PCDHA3: variants seen among roughly 807,000 people sequenced by gnomAD.
PCDHA3 encodes protocadherin alpha 3.
Under a neutral mutation model 62.2 loss-of-function variants are expected in PCDHA3, and 41 were observed. The ratio of observed to expected loss-of-function variants is 0.66; its 90% CI spans 0.51 to 0.86. The LOEUF (loss-of-function observed/expected upper bound fraction) is 0.86, where lower values mean the gene tolerates loss of function less well. Ranked by LOEUF, PCDHA3 falls within the 40% of genes least tolerant of loss-of-function variation. The pLI, the probability that PCDHA3 is intolerant of heterozygous loss-of-function variation, is 0.00. For synonymous variants in PCDHA3, 640 were observed against 555.4 expected (o/e 1.15, Z -2.14); for missense variants, 1,304 against 1,241.2 (o/e 1.05, Z -0.76).
At chr5:140,999,444 C>A (rs782553983) in intron 3 of PCDHA3, among the ~76,000 whole-genome samples, 25 of 152,210 alleles carry the variant, frequency 1.6e-4, no homozygotes, top group Non-Finnish European at 3.1e-4. Flanking sequence ...GCCTCTTATT[C>A]GTTCAACGAA....
At chr5:140,856,473 C>T (rs1471191080) in intron 1 of PCDHA3, 2 of 1,598,372 alleles carry the variant, frequency 1.3e-6, no homozygotes. Flanking sequence ...CTCTCAATAC[C>T]TGAATCCAGA....
Position 141,010,339 on chromosome 5 carries a change from A to C in PCDHA3, c.*402A>C. ...TTGAGCAGCTTGGGAGTTTGTGGCCACTGGGTATGTGTGGCTACCGCGGGT... is the reference window on the plus strand; with the variant it reads ...TTGAGCAGCTTGGGAGTTTGTGGCCCCTGGGTATGTGTGGCTACCGCGGGT... On this transcript the variant is annotated 3_prime_UTR_variant, in exon 4 of 4. Coordinates refer to ENST00000522353, the MANE Select transcript of PCDHA3 (RefSeq NM_018906.3). 6.5e-7 allele frequency: 1 copy of C among 1,534,060 alleles called. No homozygotes were observed. The highest frequency in any genetic ancestry group is 8.8e-7 in the Non-Finnish European group (1 of 1,140,682).
chr5:140,964,909 A>G (rs1164322313), intron 1 of PCDHA3, among the ~76,000 whole-genome samples: 1 of 152,208 alleles, frequency 6.6e-6, no homozygotes, highest in African/African-American at 2.4e-5. Context: ...GCTTCTCTGG[A>G]ATAACACTGG....
chr5:140,881,724 A>C (rs1165848100), intron 1 of PCDHA3, among the ~76,000 whole-genome samples: 1 of 152,194 alleles, frequency 6.6e-6, no homozygotes, highest in Admixed American at 6.5e-5. Flanking sequence ...GAGGTCTTGA[A>C]AAATATTACA....
intron 1 of PCDHA3, chr5:140,807,452 C>T (rs1562209141): frequency 1.2e-6 from 2 of 1,607,214 alleles, no homozygotes; most frequent in South Asian, 1.1e-5. Flanking sequence ...TGTGAATTCT[C>T]GGATCGACCG....
intron 1 of PCDHA3, chr5:140,841,763 C>G: frequency 6.2e-7 from 1 of 1,613,884 alleles, no homozygotes; most frequent in South Asian, 1.1e-5. Context: ...ATCCAGAATG[C>G]CAGACTCTCG....
chr5:141,000,904 T>A lies in PCDHA3; in HGVS notation c.2543-8723T>A, dbSNP rs1398868730. Among the ~76,000 whole-genome samples, 6 of 151,990 alleles carry A rather than the reference T, an allele frequency of 3.9e-5. No individual in the cohort carries two copies. The East Asian group carries it at 1.2e-3, about 29-fold the overall frequency. On this transcript the variant is annotated intron_variant, in intron 3 of 3. Coordinates refer to ENST00000522353, the MANE Select transcript of PCDHA3 (RefSeq NM_018906.3). ...ACCTGGGCAACAGATATAGACGCTGTCTCTAAAAAAAAAAATCCTGTGTGA... is the reference window on the plus strand; with the variant it reads ...ACCTGGGCAACAGATATAGACGCTGACTCTAAAAAAAAAAATCCTGTGTGA...
chr5:140,909,711 A>G (rs1473634057), intron 1 of PCDHA3, among the ~76,000 whole-genome samples: 1 of 152,122 alleles, frequency 6.6e-6, no homozygotes, highest in Non-Finnish European at 1.5e-5. Context: ...TGCTAAGTAT[A>G]CCTATGCCAA....
At chr5:140,851,067 G>A in intron 1 of PCDHA3, 4 of 1,367,668 alleles carry the variant, frequency 2.9e-6, no homozygotes, top group Non-Finnish European at 3.8e-6. Context: ...CTTCTAGTGA[G>A]AATTATAAAC....
At chr5:140,869,884 G>T in intron 1 of PCDHA3, 1 of 1,610,394 alleles carries the variant, frequency 6.2e-7, no homozygotes, top group Non-Finnish European at 8.5e-7. Flanking sequence ...AGAAACTCTT[G>T]TGCTCAAACT....
intron 1 of PCDHA3, among the ~76,000 whole-genome samples, chr5:140,892,029 T>C (rs954107632): frequency 2.0e-4 from 30 of 152,336 alleles, no homozygotes; most frequent in Middle Eastern, 6.8e-3. Context: ...TGGTCTAAGA[T>C]ACTTTTATTT....
intron 1 of PCDHA3, chr5:140,930,248 C>T (rs2086692121): frequency 1.3e-5 from 2 of 152,178 alleles, no homozygotes; most frequent in South Asian, 4.1e-4. Flanking sequence ...GTCCATTCAA[C>T]TTGGATTTAA....
intron 1 of PCDHA3, chr5:140,842,876 G>A (rs2150347081): frequency 6.3e-7 from 1 of 1,593,878 alleles, no homozygotes; most frequent in Non-Finnish European, 8.6e-7. Flanking sequence ...CAAGGTGTAC[G>A]CGCTGCAGCC....
chr5:140,877,822 TTAAA>T, intron 1 of PCDHA3: 1 of 1,603,218 alleles, frequency 6.2e-7, no homozygotes, highest in East Asian at 2.2e-5. Flanking sequence ...AGAAGATTGT[TTAAA>T]TCCTCCCAGT....
rs2150373759 is a variant in PCDHA3 at position 140,844,778 on chromosome 5, T to C, written c.2394+41187T>C. On this transcript the variant is annotated intron_variant, in intron 1 of 3. Coordinates refer to ENST00000522353, the MANE Select transcript of PCDHA3 (RefSeq NM_018906.3). ...TTTGAAAAATCCAAGATACTTTATT[T>C]TGGTATCTTTCAACATTTTCTTTCT... Among the ~76,000 whole-genome samples the C allele has an allele frequency of 4.0e-5, 6 of 149,392 alleles. 1 individual carries two copies. Among genetic ancestry groups the C allele is most frequent in the African/African-American group, 1.5e-4 (6 of 40,816 alleles).
At chr5:140,962,319 T>A (rs1585921663) in intron 1 of PCDHA3, among the ~76,000 whole-genome samples, 1 of 152,226 alleles carries the variant, frequency 6.6e-6, no homozygotes, top group Admixed American at 6.5e-5. Context: ...GCCATCTCAA[T>A]TGAGAATACT....
rs141944892 is a variant in PCDHA3, at chr5:140,818,708, C to T, written c.2394+15117C>T. Reference sequence around the variant, plus strand: ...AAAAAATTAGCTAGATGTGGTGGTGCACACCTGTGGTCCCAGCTACTTGGG... The same window carrying T: ...AAAAAATTAGCTAGATGTGGTGGTGTACACCTGTGGTCCCAGCTACTTGGG... On this transcript the variant is annotated intron_variant, in intron 1 of 3. Coordinates refer to ENST00000522353, the MANE Select transcript of PCDHA3 (RefSeq NM_018906.3). Among the ~76,000 whole-genome samples the T allele has an allele frequency of 4.7e-3, 709 of 152,220 alleles. 10 individuals are homozygous for T. Among genetic ancestry groups the T allele is most frequent in the African/African-American group, 0.016 (664 of 41,536 alleles).
At chr5:140,807,219 C>T in intron 1 of PCDHA3, 2 of 1,614,030 alleles carry the variant, frequency 1.2e-6, no homozygotes, top group Non-Finnish European at 8.5e-7. Context: ...GGCCAGGAAT[C>T]CCGGCGTCTG....
At chr5:140,843,511 C>CG in intron 1 of PCDHA3, 2 of 1,595,670 alleles carry the variant, frequency 1.3e-6, no homozygotes, top group Non-Finnish European at 1.7e-6. Flanking sequence ...CCACTGAGGG[C>CG]GGGTGCCGGG....
Sources: gnomAD v4.1 joint callset for allele counts (sites outside exome capture counted in the v4.1 genomes callset) on GRCh38, gnomAD v4.1.1 for gene constraint, MANE v1.5 for transcripts, NCBI Gene and HGNC (gene_info 2026-07-23, HGNC 2026-07-21) for gene names.